PAPSS2: variants seen among roughly 807,000 people sequenced by gnomAD.
PAPSS2 encodes 3'-phosphoadenosine 5'-phosphosulfate synthase 2, also known as bifunctional 3'-phosphoadenosine 5'-phosphosulfate synthase 2.
In PAPSS2, 61 loss-of-function variants were observed where a neutral mutation model predicts 66.5. The ratio of observed to expected loss-of-function variants is 0.92; its 90% confidence interval spans 0.75 to 1.14. The LOEUF is 1.14. PAPSS2 is among the 50% of genes most tolerant of loss of function. PAPSS2 has a pLI of 0.00. For synonymous variants in PAPSS2, 289 were observed against 287.5 expected (o/e 1.01, Z -0.05); for missense variants, 708 against 789.6 (o/e 0.90, Z 1.24).
chr10:87,723,622 C>G (rs1424112678), intron 8 of PAPSS2, among the ~76,000 whole-genome samples: 1 of 152,114 alleles, frequency 6.6e-6, no homozygotes, highest in Non-Finnish European at 1.5e-5. Flanking sequence ...TATAAAGGGT[C>G]TCAAAGTATA....
chr10:87,717,305 G>A (rs1392953958), intron 7 of PAPSS2, among the ~76,000 whole-genome samples: 1 of 152,122 alleles, frequency 6.6e-6, no homozygotes, highest in Non-Finnish European at 1.5e-5. Flanking sequence ...TGAAAGAGGG[G>A]GCCTCATTAC....
chr10:87,692,567 A>C (rs767455922), intron 1 of PAPSS2, among the ~76,000 whole-genome samples: 1 of 152,224 alleles, frequency 6.6e-6, no homozygotes, highest in African/African-American at 2.4e-5. Flanking sequence ...AAGAGTGGTC[A>C]ATGGGAAGAA....
chr10:87,729,800 C>T (rs1381704596), intron 9 of PAPSS2, among the ~76,000 whole-genome samples: 1 of 152,074 alleles, frequency 6.6e-6, no homozygotes, highest in African/African-American at 2.4e-5. Flanking sequence ...AGTCCGAGAC[C>T]AGCCTGACCA....
In PAPSS2 at chr10:87,727,218, G is replaced by A. The variant is rs1589439190; in HGVS notation, c.881-66G>A. On this transcript the variant is annotated intron_variant, in intron 8 of 12. Transcript: ENST00000456849. ...TTTGGAAGGGGCATTGTGCACATTT[G>A]ATTCATGCTTCAAGGATGGCACACC... 2.9e-6 allele frequency: 4 copies of A among 1,361,652 alleles called. No homozygotes were observed. The East Asian group carries it at 6.9e-5, about 23-fold the overall frequency. 84.3% of individuals were successfully genotyped at this position (1,361,652 alleles called of 1,614,324 possible). A position where few individuals can be genotyped will look rare whatever the true frequency, so the allele number is the denominator to read the frequency against.
intron 1 of PAPSS2, among the ~76,000 whole-genome samples, chr10:87,691,958 T>C (rs373907501): frequency 6.6e-6 from 1 of 151,736 alleles, no homozygotes; most frequent in East Asian, 1.9e-4. Flanking sequence ...AAAAATAAAA[T>C]TAAAGGGAAT....
At position 87,733,697 on chromosome 10, in the gene PAPSS2, A is replaced by G. The variant is rs556379202; in HGVS notation, c.1086+6208A>G. ...CAGATCTGATTATTGAGGGGTGGGT[A>G]GTTAAAGCTCCCCGTGATTCTAATG... On this transcript the variant is annotated intron_variant, in intron 9 of 12. Transcript: ENST00000456849. 7.2e-5 allele frequency among the ~76,000 whole-genome samples: 11 copies of G among 152,268 alleles called. No homozygotes were observed. In the East Asian group the frequency reaches 1.3e-3, roughly 19 times the overall value.
intron 1 of PAPSS2, among the ~76,000 whole-genome samples, chr10:87,674,931 C>T (rs994754408): frequency 1.3e-5 from 2 of 152,214 alleles, no homozygotes; most frequent in African/African-American, 4.8e-5. Flanking sequence ...AACCTCCATG[C>T]ATGGGTGTGC....
chr10:87,689,502 A>C (rs1021729396), intron 1 of PAPSS2, among the ~76,000 whole-genome samples: 1 of 151,858 alleles, frequency 6.6e-6, no homozygotes, highest in South Asian at 2.1e-4. Context: ...CCCCGTCTCT[A>C]CTAAATACAA....
At position 87,745,032 on chromosome 10, in the gene PAPSS2, G is replaced by A; in HGVS notation, c.1522G>A (p.Ala508Thr). The change falls in exon 12 of 13, where the codon GCG becomes ACG. Residue 508 changes from alanine (A) to threonine (T), a missense_variant. Physicochemically the swap from Ala to Thr is moderately conservative, Grantham distance 58. Coordinates refer to ENST00000456849, the MANE Select transcript of PAPSS2 (RefSeq NM_001015880.2). The part of the protein sequence containing the change: ...VQWHCRSRMI[A>T]GANFYIVGRD... Reference sequence around the variant, plus strand: ...GTGGCACTGCAGGTCCCGGATGATTGCGGGTGCCAATTTCTACATTGTGGG... The same window carrying A: ...GTGGCACTGCAGGTCCCGGATGATTACGGGTGCCAATTTCTACATTGTGGG... The A allele has an allele frequency of 1.9e-6, 3 of 1,614,126 alleles. No individual in the cohort carries two copies. The highest frequency in any genetic ancestry group is 2.5e-6 in the Non-Finnish European group (3 of 1,179,984).
intron 1 of PAPSS2, among the ~76,000 whole-genome samples, chr10:87,707,564 CTTTTTTTTT>C (rs747152482): frequency 1.8e-3 from 169 of 93,978 alleles, no homozygotes; most frequent in African/African-American, 7.1e-3. Flanking sequence ...TCTTTTTTTT[CTTTTTTTTT>C]TTTTTTTTTT....
chr10:87,691,564 C>T (rs1317750329), intron 1 of PAPSS2, among the ~76,000 whole-genome samples: 1 of 151,598 alleles, frequency 6.6e-6, no homozygotes, highest in African/African-American at 2.4e-5. Flanking sequence ...TGAGAATTTC[C>T]TGGGGATGGT....
rs1480793145 is a variant in PAPSS2 at position 87,659,888 on chromosome 10, G to GCTA, written c.-92_-91insACT. ...TCCCGGGAGTCCGGCAGCCGCTGCT[G>GCTA]CTGCTGCTGCTGCTGCTGCCGCCGC... is the stretch of plus-strand genomic sequence containing the variant. On this transcript the variant is annotated 5_prime_UTR_variant, in exon 1 of 13. Coordinates refer to ENST00000456849, the MANE Select transcript of PAPSS2 (RefSeq NM_001015880.2). 4.7e-6 allele frequency: 6 copies of GCTA among 1,266,002 alleles called. No individual in the cohort carries two copies. Among genetic ancestry groups the GCTA allele is most frequent in the Non-Finnish European group, 6.9e-6 (6 of 871,540 alleles). The allele number at this position is 1,266,002 out of a possible 1,614,324, so 78.4% of individuals were successfully genotyped here. A position where few individuals can be genotyped will look rare whatever the true frequency, so the allele number is the denominator to read the frequency against.
At chr10:87,676,221 T>C (rs1019134615) in intron 1 of PAPSS2, among the ~76,000 whole-genome samples, 7 of 152,146 alleles carry the variant, frequency 4.6e-5, no homozygotes, top group Non-Finnish European at 8.8e-5. Flanking sequence ...CTTTGGAAAT[T>C]TGCCCGATTC....
At chr10:87,712,748 C>T (rs1307336941) in intron 2 of PAPSS2, among the ~76,000 whole-genome samples, 3 of 152,110 alleles carry the variant, frequency 2.0e-5, no homozygotes, top group Non-Finnish European at 4.4e-5. Context: ...TGAGCCACCA[C>T]CATGCCCAGC....
intron 7 of PAPSS2, among the ~76,000 whole-genome samples, chr10:87,717,245 G>A (rs1345995107): frequency 6.6e-6 from 1 of 152,204 alleles, no homozygotes; most frequent in Non-Finnish European, 1.5e-5. Context: ...GCAAGAGGTT[G>A]ATTTTGAGCA....
chr10:87,721,903 C>A, intron 8 of PAPSS2, 133 bp downstream of exon 8: 1 of 614,740 alleles, frequency 1.6e-6, no homozygotes, highest in Non-Finnish European at 2.8e-6. Context: ...CATGATCCAA[C>A]CAGCTATAGT....
In PAPSS2 at chr10:87,743,465, T is replaced by G; in HGVS notation, c.1315T>G (p.Tyr439Asp). 1 of 1,614,144 alleles carries G rather than the reference T, an allele frequency of 6.2e-7. No homozygotes were observed. Among genetic ancestry groups the G allele is most frequent in the Non-Finnish European group, 8.5e-7 (1 of 1,180,020 alleles). Residue 439 changes from tyrosine to aspartate, a missense_variant, in exon 11 of 13, where the codon TAC (tyrosine) becomes GAC (aspartate). Tyr to Asp is a radical substitution (Grantham distance 160, BLOSUM62 -3). Transcript: ENST00000456849. ...DTRRRLLERGYKHPVLLLHPL... is the reference protein window; with the variant it reads ...DTRRRLLERGDKHPVLLLHPL... ...TCGCCGCAGGCTCCTAGAGAGGGGCTACAAGCACCCGGTCCTCCTACTACA... is the reference window on the plus strand; with the variant it reads ...TCGCCGCAGGCTCCTAGAGAGGGGCGACAAGCACCCGGTCCTCCTACTACA...
intron 9 of PAPSS2, among the ~76,000 whole-genome samples, chr10:87,728,928 G>T (rs1175127257): frequency 6.6e-6 from 1 of 152,054 alleles, no homozygotes; most frequent in African/African-American, 2.4e-5. Context: ...AAGGTCAATG[G>T]CAAGCAAAGC....
chr10:87,736,328 C>T (rs190403825), intron 9 of PAPSS2, among the ~76,000 whole-genome samples: 2 of 133,200 alleles, frequency 1.5e-5, no homozygotes, highest in African/African-American at 2.9e-5. Context: ...AGTGCAGTGG[C>T]GAGACCCCGG....
Sources: allele counts gnomAD v4.1 joint callset (sites outside exome capture counted in the v4.1 genomes callset), GRCh38; gene constraint gnomAD v4.1.1; transcripts MANE v1.5; gene names NCBI Gene and HGNC (gene_info 2026-07-23, HGNC 2026-07-21).